Variants in FRMD6 observed in about 807,000 individuals in gnomAD.
FRMD6 encodes the protein FERM domain containing 6, also known as FERM domain-containing protein 6.
FRMD6 carries 37 observed loss-of-function variants against 73.2 expected under a neutral mutation model. That is an observed-to-expected ratio of 0.51 (90% CI 0.39 to 0.66). FRMD6 has a LOEUF of 0.66. Ranked by LOEUF, FRMD6 falls within the 30% of genes least tolerant of loss-of-function variation. FRMD6 has a pLI of 0.00. For synonymous variants in FRMD6, 273 were observed against 282.2 expected (o/e 0.97, Z 0.33); for missense variants, 714 against 780.5 (o/e 0.91, Z 1.02).
chr14:51,631,399 C>T (rs1206191433), intron 2 of FRMD6, among the ~76,000 whole-genome samples: 1 of 152,074 alleles, frequency 6.6e-6, no homozygotes, highest in Non-Finnish European at 1.5e-5. Context: ...TCTCACACTC[C>T]ATTTTTTTTG....
chr14:51,488,866 C>T (rs574151954), upstream of FRMD6, among the ~76,000 whole-genome samples: 2 of 152,352 alleles, frequency 1.3e-5, no homozygotes, highest in South Asian at 2.1e-4. Context: ...GAAGCTCACA[C>T]CGGCCTCTGC....
chr14:51,520,698 G>GACCA (rs1566790541), intron 1 of FRMD6, among the ~76,000 whole-genome samples: 1 of 152,142 alleles, frequency 6.6e-6, no homozygotes, highest in Non-Finnish European at 1.5e-5. Flanking sequence ...AGGAGTTTGA[G>GACCA]ACCAGCCTAG....
At chr14:51,484,865 G>A (rs558131355), upstream of FRMD6, among the ~76,000 whole-genome samples, 8 of 152,322 alleles carry the variant, frequency 5.3e-5, no homozygotes, top group South Asian at 1.7e-3. Flanking sequence ...AACTTTGAAA[G>A]GCAGTCAATG....
chr14:51,464,388 AG>A, the FRMD6 span, among the ~76,000 whole-genome samples: 1 of 143,886 alleles, frequency 6.9e-6, no homozygotes, highest in African/African-American at 2.7e-5. Context: ...TGAACTTAAA[AG>A]GTGAAGGAAA....
chr14:51,727,064 G>A (rs2140720041), intron 13 of FRMD6, among the ~76,000 whole-genome samples: 1 of 151,810 alleles, frequency 6.6e-6, no homozygotes, highest in Non-Finnish European at 1.5e-5. Flanking sequence ...ACAGCATTTG[G>A]CGGAACCCCC....
intron 7 of FRMD6, 23 bp from the exon 8 acceptor site, chr14:51,711,508 T>G: frequency 1.3e-6 from 2 of 1,511,268 alleles, no homozygotes; most frequent in Non-Finnish European, 1.8e-6. Context: ...CATTTAATTT[T>G]TTATAAAATC....
At chr14:51,654,249 C>T (rs567931264) in intron 1 of FRMD6, among the ~76,000 whole-genome samples, 3 of 136,336 alleles carry the variant, frequency 2.2e-5, no homozygotes, top group African/African-American at 5.6e-5. Context: ...TGCTAGGTAG[C>T]GGTTTTTAGT....
chr14:51,698,881 G>A (rs1423828216), intron 3 of FRMD6, among the ~76,000 whole-genome samples: 1 of 151,856 alleles, frequency 6.6e-6, no homozygotes, highest in Non-Finnish European at 1.5e-5. Context: ...TTTATTATAA[G>A]CTTTCTTCCT....
chr14:51,554,199 A>G (rs549990526), intron 1 of FRMD6, among the ~76,000 whole-genome samples: 1 of 152,326 alleles, frequency 6.6e-6, no homozygotes, highest in East Asian at 1.9e-4. Flanking sequence ...GACAAATAAA[A>G]TAAATAAATA....
intron 2 of FRMD6, among the ~76,000 whole-genome samples, chr14:51,693,121 C>A (rs920538792): frequency 6.6e-6 from 1 of 152,152 alleles, no homozygotes; most frequent in Non-Finnish European, 1.5e-5. Context: ...ACTTAAAACA[C>A]ACAGACCTGA....
the FRMD6 span, among the ~76,000 whole-genome samples, chr14:51,437,469 A>AT: frequency 2.0e-5 from 3 of 152,030 alleles, no homozygotes; most frequent in Non-Finnish European, 4.4e-5. Flanking sequence ...CACCCGGCTA[A>AT]TTTTTTGTAT....
intron 1 of FRMD6, among the ~76,000 whole-genome samples, chr14:51,515,239 C>T (rs760294258): frequency 1.3e-5 from 2 of 152,234 alleles, no homozygotes; most frequent in Admixed American, 6.5e-5. Flanking sequence ...TTACCAAGAT[C>T]GTAGTTCTGC....
intron 2 of FRMD6, among the ~76,000 whole-genome samples, chr14:51,573,817 A>G (rs1212303877): frequency 6.6e-6 from 1 of 152,196 alleles, no homozygotes; most frequent in Non-Finnish European, 1.5e-5. Flanking sequence ...AAGGAGTCAA[A>G]GAATCACCGT....
chr14:51,433,837 G>A, the FRMD6 span, among the ~76,000 whole-genome samples: 1 of 152,156 alleles, frequency 6.6e-6, no homozygotes, highest in Non-Finnish European at 1.5e-5. Flanking sequence ...AGATGCTGGG[G>A]GAACCCCAAA....
intron 1 of FRMD6, among the ~76,000 whole-genome samples, chr14:51,689,195 C>G (rs901635868): frequency 6.6e-6 from 1 of 152,184 alleles, no homozygotes; most frequent in African/African-American, 2.4e-5. Context: ...AGATCATGGG[C>G]TTCCTTTGGC....
At chr14:51,685,154 G>T (rs1319772467) in intron 1 of FRMD6, among the ~76,000 whole-genome samples, 1 of 152,176 alleles carries the variant, frequency 6.6e-6, no homozygotes, top group Non-Finnish European at 1.5e-5. Flanking sequence ...GCTATCATTA[G>T]CACTATTATT....
At chr14:51,483,228 T>C in the FRMD6 span, among the ~76,000 whole-genome samples, 119,364 of 152,156 alleles carry the variant, frequency 0.78, 46,931 homozygotes, top group South Asian at 0.88. Flanking sequence ...TTTTATCCAA[T>C]GGGCACCTTT....
At chr14:51,411,986 T>C in the FRMD6 span, among the ~76,000 whole-genome samples, 1 of 152,218 alleles carries the variant, frequency 6.6e-6, no homozygotes, top group Non-Finnish European at 1.5e-5. Context: ...TAAATCTTTA[T>C]TTTTGGCTTC....
chr14:51,648,522 C>A (rs1016021091), upstream of FRMD6, among the ~76,000 whole-genome samples: 1 of 152,194 alleles, frequency 6.6e-6, no homozygotes, highest in African/African-American at 2.4e-5. Flanking sequence ...CTAGGTAATT[C>A]CAACGTGCTT....
Sources: gnomAD v4.1 joint callset for allele counts (sites outside exome capture counted in the v4.1 genomes callset) on GRCh38, gnomAD v4.1.1 for gene constraint, MANE v1.5 for transcripts, NCBI Gene and HGNC (gene_info 2026-07-23, HGNC 2026-07-21) for gene names.